RCOR1: variants seen among roughly 807,000 people sequenced by gnomAD.
The protein encoded by RCOR1 is REST corepressor.
A neutral mutation model predicts 64.0 loss-of-function variants in RCOR1; 12 were observed. The ratio of observed to expected loss-of-function variants is 0.19; its 90% CI spans 0.12 to 0.30. The LOEUF is 0.30. RCOR1 is among the 10% of genes least tolerant of loss of function. The probability of loss-of-function intolerance (pLI) is 1.00; values close to 1 mark genes in which losing one functional copy is unlikely to be tolerated. For synonymous variants in RCOR1, 279 were observed against 227.2 expected (o/e 1.23, Z -2.05); for missense variants, 502 against 621.2 (o/e 0.81, Z 2.04).
chr14:102,638,280 T>C (rs1894287599), intron 2 of RCOR1, among the ~76,000 whole-genome samples: 1 of 152,216 alleles, frequency 6.6e-6, no homozygotes, highest in Admixed American at 6.5e-5. Flanking sequence ...GAGATTCTAA[T>C]GGAAGGTTAG....
chr14:102,646,956 A>C (rs2139925913), intron 2 of RCOR1, among the ~76,000 whole-genome samples: 1 of 152,368 alleles, frequency 6.6e-6, no homozygotes, highest in South Asian at 2.1e-4. Context: ...ACAGAAGGGA[A>C]TACTTTAGAG....
Position 102,613,220 on chromosome 14 carries a change from GCCT to G in RCOR1, c.361+19898_361+19900del, listed in dbSNP as rs529680255. Among the ~76,000 whole-genome samples the G allele has an allele frequency of 8.3e-4, 126 of 152,066 alleles. 1 individual carries two copies. The highest frequency in any genetic ancestry group is 2.9e-3 in the African/African-American group (119 of 41,496). The stretch of plus-strand genomic sequence containing the variant: ...GGGTTCAAGCAGTTCTTGTGCCTCA[GCCT>G]CCCGAGTAGCTGGGACTACAGGCGT... On this transcript the variant is annotated intron_variant, in intron 2 of 11. Coordinates refer to ENST00000262241, the MANE Select transcript of RCOR1 (RefSeq NM_015156.4).
At chr14:102,622,157 G>A (rs1258062082) in intron 2 of RCOR1, among the ~76,000 whole-genome samples, 1 of 146,340 alleles carries the variant, frequency 6.8e-6, no homozygotes, top group Non-Finnish European at 1.5e-5. Flanking sequence ...AGGACTGGAG[G>A]AGGGGCTGTG....
At position 102,727,930 on chromosome 14, in the gene RCOR1, G is replaced by T. The variant is rs992263107; in HGVS notation, c.*1424G>T. 1 of 152,532 alleles carries T rather than the reference G, an allele frequency of 6.6e-6. No homozygotes were observed. The highest frequency in any genetic ancestry group is 1.5e-5 in the Non-Finnish European group (1 of 68,058). 9.4% of individuals were successfully genotyped at this position (152,532 alleles called of 1,614,324 possible). On this transcript the variant is annotated 3_prime_UTR_variant, in exon 12 of 12. Coordinates refer to ENST00000262241, the MANE Select transcript of RCOR1 (RefSeq NM_015156.4). Reference sequence around the variant, plus strand: ...AGACTGCACTCAATACGCTGAAGTCGCTTTTGTTGTTGTTGTTGTTGTTTG... The same window carrying T: ...AGACTGCACTCAATACGCTGAAGTCTCTTTTGTTGTTGTTGTTGTTGTTTG...
At chr14:102,601,957 G>C (rs1893407872) in intron 2 of RCOR1, among the ~76,000 whole-genome samples, 1 of 152,054 alleles carries the variant, frequency 6.6e-6, no homozygotes, top group Admixed American at 6.6e-5. Flanking sequence ...TCAGGAGTTC[G>C]AGACCAGCCT....
intron 2 of RCOR1, chr14:102,658,659 C>T (rs1254050910): frequency 1.0e-5 from 10 of 976,944 alleles, no homozygotes; most frequent in African/African-American, 1.8e-5. Context: ...CCAAGGTGTG[C>T]TTGTCAATAC....
intron 11 of RCOR1, among the ~76,000 whole-genome samples, chr14:102,724,347 C>T (rs751882517): frequency 1.3e-5 from 2 of 151,314 alleles, no homozygotes; most frequent in Non-Finnish European, 2.9e-5. Context: ...TTTTTTGAGA[C>T]AGAGTCTCCC....
intron 2 of RCOR1, among the ~76,000 whole-genome samples, chr14:102,645,809 A>T (rs1016926252): frequency 1.3e-5 from 2 of 152,176 alleles, no homozygotes; most frequent in Non-Finnish European, 2.9e-5. Flanking sequence ...CTGCAGTCAG[A>T]TGGTAGAGCT....
intron 2 of RCOR1, among the ~76,000 whole-genome samples, chr14:102,674,609 A>G (rs1895101379): frequency 6.6e-6 from 1 of 152,156 alleles, no homozygotes; most frequent in African/African-American, 2.4e-5. Flanking sequence ...TTTACTATAC[A>G]TTGCCAGTTT....
rs376639186 is a variant in RCOR1, at chr14:102,716,580, A to G, written c.1053+1963A>G. Among the ~76,000 whole-genome samples, 10 of 147,110 alleles carry G rather than the reference A, an allele frequency of 6.8e-5. No homozygotes were observed. In the East Asian group the frequency reaches 1.5e-3, roughly 23 times the overall value. On this transcript the variant is annotated intron_variant, in intron 8 of 11. Transcript: ENST00000262241. ...CTGTTTTGTTTTCATATGAGTATCA[A>G]TTTGGTCAAGTATTTATTGAAGAAA...
chr14:102,609,261 T>A (rs2139887803), intron 2 of RCOR1, among the ~76,000 whole-genome samples: 1 of 151,834 alleles, frequency 6.6e-6, no homozygotes, highest in African/African-American at 2.4e-5. Flanking sequence ...CAGGCTCGTC[T>A]TGAACTCCCG....
chr14:102,720,546 C>T (rs528695228), intron 8 of RCOR1, among the ~76,000 whole-genome samples: 2 of 141,572 alleles, frequency 1.4e-5, no homozygotes, highest in African/African-American at 2.6e-5. Context: ...TGTGTAGAAG[C>T]GGTGGACAGC....
At chr14:102,643,544 C>T (rs1894416064) in intron 2 of RCOR1, among the ~76,000 whole-genome samples, 1 of 152,132 alleles carries the variant, frequency 6.6e-6, no homozygotes, top group African/African-American at 2.4e-5. Flanking sequence ...TGCAGCAAGG[C>T]CTAGGAGGTG....
chr14:102,715,376 T>A (rs949010798), intron 8 of RCOR1, among the ~76,000 whole-genome samples: 2 of 150,422 alleles, frequency 1.3e-5, no homozygotes, highest in African/African-American at 4.9e-5. Context: ...CGGCCCTGAT[T>A]TTTTTTAATT....
At chr14:102,598,684 G>A (rs1040132361) in intron 2 of RCOR1, among the ~76,000 whole-genome samples, 6 of 151,764 alleles carry the variant, frequency 4.0e-5, no homozygotes, top group African/African-American at 1.5e-4. Context: ...TCCTGACCTC[G>A]TGATCCGCCC....
At chr14:102,721,563 A>AT (rs995980575) in intron 10 of RCOR1, 186 bp downstream of exon 10, 1,981 of 330,836 alleles carry the variant, frequency 6.0e-3, no homozygotes, top group East Asian at 8.4e-3. Context: ...AAAAAAAAAA[A>AT]TTTTTTTTTT....
At chr14:102,714,263 C>T (rs1228054581) in intron 7 of RCOR1, among the ~76,000 whole-genome samples, 160 bp from the exon 8 acceptor site, 1 of 152,182 alleles carries the variant, frequency 6.6e-6, no homozygotes, top group Non-Finnish European at 1.5e-5. Flanking sequence ...CAAATTCTGT[C>T]TGTGAACTGC....
At chr14:102,664,719 A>G (rs1325918881) in intron 2 of RCOR1, among the ~76,000 whole-genome samples, 2 of 152,356 alleles carry the variant, frequency 1.3e-5, no homozygotes, top group South Asian at 2.1e-4. Context: ...TACCTAACCT[A>G]TGTTATGCAT....
chr14:102,592,832 C>A lies in RCOR1; in HGVS notation c.-55C>A, dbSNP rs1191788345. The A allele has an allele frequency of 8.5e-7, 1 of 1,174,564 alleles. No individual in the cohort carries two copies. 72.8% of individuals were successfully genotyped at this position (1,174,564 alleles called of 1,614,324 possible). A position where few individuals can be genotyped will look rare whatever the true frequency, so the allele number is the denominator to read the frequency against. On this transcript the variant is annotated 5_prime_UTR_variant, in exon 1 of 12. Transcript: ENST00000262241. ...GCGCCCCCTCCCCCGTCTCGGCGCC[C>A]CCTCCTCAGGAGCCGCGGGTCCCCG...
Sources: gnomAD v4.1 joint callset for allele counts (sites outside exome capture counted in the v4.1 genomes callset) on GRCh38, gnomAD v4.1.1 for gene constraint, MANE v1.5 for transcripts, NCBI Gene and HGNC (gene_info 2026-07-23, HGNC 2026-07-21) for gene names.